The following NBEA variants were observed in gnomAD, a reference collection of about 807,000 sequenced individuals.
NBEA encodes the protein lysosomal-trafficking regulator 2.
NBEA carries 44 observed loss-of-function variants against 343.4 expected under a neutral mutation model. The ratio of observed to expected loss-of-function variants is 0.13; its 90% confidence interval spans 0.10 to 0.16. NBEA has a LOEUF of 0.16. Among genes scored for constraint, NBEA ranks in the 10% least tolerant of loss-of-function variants. The pLI is 1.00. For synonymous variants in NBEA, 1,175 were observed against 1,238.7 expected (o/e 0.95, Z 1.08); for missense variants, 2,555 against 3,631.3 (o/e 0.70, Z 7.62).
intron 41 of NBEA, among the ~76,000 whole-genome samples, chr13:35,533,377 C>T (rs2078361096): frequency 6.6e-6 from 1 of 152,062 alleles, no homozygotes; most frequent in African/African-American, 2.4e-5. Flanking sequence ...TTGTCTCATG[C>T]ATGTTATTTT....
intron 33 of NBEA, among the ~76,000 whole-genome samples, chr13:35,215,128 G>T (rs1033788348): frequency 1.3e-5 from 2 of 151,190 alleles, no homozygotes; most frequent in African/African-American, 4.8e-5. Context: ...GGGTTAATTC[G>T]CATTTTCATG....
intron 18 of NBEA, among the ~76,000 whole-genome samples, chr13:35,153,235 G>A (rs1243490930): frequency 4.6e-5 from 7 of 151,664 alleles, no homozygotes; most frequent in African/African-American, 1.5e-4. Flanking sequence ...GGGTTTCACC[G>A]TGTTAGCCAG....
chr13:35,107,764 G>A (rs372505433), intron 11 of NBEA, among the ~76,000 whole-genome samples: 1 of 151,910 alleles, frequency 6.6e-6, no homozygotes, highest in East Asian at 1.9e-4. Context: ...TAAAAGTCTT[G>A]AGTTCTACCT....
chr13:35,185,875 C>G (rs1280220996), intron 30 of NBEA: 1 of 152,034 alleles, frequency 6.6e-6, no homozygotes, highest in Non-Finnish European at 1.5e-5. Context: ...GGGAAAATGT[C>G]TGTCAAATAT....
At chr13:35,593,307 T>A in intron 46 of NBEA, 21 bp from the exon 47 acceptor site, 1 of 1,610,810 alleles carries the variant, frequency 6.2e-7, no homozygotes, top group Non-Finnish European at 8.5e-7. Context: ...GTCAAATTTC[T>A]GATTCTGTTT....
chr13:35,471,861 G>A (rs1041677920), intron 40 of NBEA, among the ~76,000 whole-genome samples: 3 of 150,574 alleles, frequency 2.0e-5, no homozygotes, highest in Admixed American at 2.0e-4. Flanking sequence ...TGTGTAGCGC[G>A]CCTTAGGAGA....
intron 35 of NBEA, among the ~76,000 whole-genome samples, chr13:35,304,036 G>T (rs777308544): frequency 6.6e-6 from 1 of 152,096 alleles, no homozygotes; most frequent in African/African-American, 2.4e-5. Context: ...TCTAATGATT[G>T]TATTTTAAAA....
chr13:35,094,345 A>G (rs151286971), intron 10 of NBEA, among the ~76,000 whole-genome samples: 4 of 152,184 alleles, frequency 2.6e-5, no homozygotes, highest in East Asian at 1.9e-4. Context: ...TTCATGTGCT[A>G]TCTTATGTAT....
chr13:35,032,957 C>T lies in NBEA; in HGVS notation c.295-7976C>T, dbSNP rs2062293994. On this transcript the variant is annotated intron_variant, in intron 1 of 58. Transcript: ENST00000379939. The stretch of plus-strand genomic sequence containing the variant: ...TATTTTCTCCCATTCTCTGGATTGT[C>T]TCTTCACTTTGTTGATTGTTTCTTT... 1.3e-5 allele frequency among the ~76,000 whole-genome samples: 2 copies of T among 151,878 alleles called. 1 individual carries two copies. Among genetic ancestry groups the T allele is most frequent in the Admixed American group, 1.3e-4 (2 of 15,220 alleles).
chr13:35,198,546 T>C (rs546507457), intron 31 of NBEA, among the ~76,000 whole-genome samples: 1 of 152,264 alleles, frequency 6.6e-6, no homozygotes, highest in East Asian at 1.9e-4. Context: ...TTTGAGAATA[T>C]TGCTTTAAGA....
At chr13:35,326,777 A>C (rs1173747674) in intron 36 of NBEA, among the ~76,000 whole-genome samples, 9 of 152,032 alleles carry the variant, frequency 5.9e-5, no homozygotes, top group African/African-American at 2.2e-4. Flanking sequence ...CAAAAACAAA[A>C]ATTGACAAGT....
intron 35 of NBEA, among the ~76,000 whole-genome samples, chr13:35,308,438 C>CTATATATATATATA (rs5802761): frequency 6.7e-5 from 6 of 88,968 alleles, no homozygotes; most frequent in South Asian, 3.8e-4. Flanking sequence ...CTGCTATTTA[C>CTATATATATATATA]TATATATATA....
chr13:35,669,483 G>C (rs1356371859), intron 58 of NBEA, among the ~76,000 whole-genome samples: 1 of 152,186 alleles, frequency 6.6e-6, no homozygotes, highest in Admixed American at 6.5e-5. Context: ...GAAAAACGCT[G>C]TAAGCTAATT....
chr13:34,964,824 G>A (rs937402715), intron 1 of NBEA, among the ~76,000 whole-genome samples: 1 of 151,972 alleles, frequency 6.6e-6, no homozygotes. Context: ...GCTGGATCAG[G>A]TTAACACTGG....
At chr13:35,525,611 T>G (rs1211886586) in intron 41 of NBEA, among the ~76,000 whole-genome samples, 2 of 152,060 alleles carry the variant, frequency 1.3e-5, no homozygotes, top group African/African-American at 4.8e-5. Context: ...GAGAAAACAT[T>G]CCCATATTTA....
chr13:35,661,829 A>G (rs139219565), intron 55 of NBEA, among the ~76,000 whole-genome samples: 5 of 152,342 alleles, frequency 3.3e-5, no homozygotes, highest in African/African-American at 1.2e-4. Context: ...GAATAAAAAT[A>G]TCTTCTGCCA....
At chr13:35,480,029 G>T (rs1460935734) in intron 41 of NBEA, among the ~76,000 whole-genome samples, 1 of 143,102 alleles carries the variant, frequency 7.0e-6, no homozygotes, top group Non-Finnish European at 1.5e-5. Flanking sequence ...AGTTTATGAG[G>T]CAGGCTCGAT....
At chr13:34,956,531 A>G (rs1244063969) in intron 1 of NBEA, among the ~76,000 whole-genome samples, 2 of 152,042 alleles carry the variant, frequency 1.3e-5, no homozygotes, top group Admixed American at 6.6e-5. Flanking sequence ...TTTGTTTTCA[A>G]TTGACACATA....
chr13:35,404,565 G>T (rs2043168163), intron 38 of NBEA, among the ~76,000 whole-genome samples: 1 of 136,678 alleles, frequency 7.3e-6, no homozygotes, highest in Non-Finnish European at 1.5e-5. Context: ...AGAACACATG[G>T]ACACAGGAAG....
Sources: allele counts gnomAD v4.1 joint callset (sites outside exome capture counted in the v4.1 genomes callset), GRCh38; gene constraint gnomAD v4.1.1; transcripts MANE v1.5; gene names NCBI Gene and HGNC (gene_info 2026-07-23, HGNC 2026-07-21).